The following MCC variants were observed in gnomAD, a reference collection of about 807,000 sequenced individuals.
MCC encodes the protein colorectal mutant cancer protein.
In MCC, 90 loss-of-function variants were observed where a neutral mutation model predicts 116.2. The observed-to-expected ratio is 0.77, with a 90% confidence interval of 0.65 to 0.92. The LOEUF (loss-of-function observed/expected upper bound fraction) is 0.92. Among genes scored for constraint, MCC ranks in the 40% least tolerant of loss-of-function variants. The probability of loss-of-function intolerance (pLI) is 0.00; values close to 1 mark genes in which losing one functional copy is unlikely to be tolerated. For missense variants in MCC, 1,516 were observed against 1,312.2 expected (o/e 1.16, Z -2.40); for synonymous variants, 578 against 510.5 (o/e 1.13, Z -1.78).
intron 16 of MCC, chr5:113,044,406 G>A: frequency 2.7e-6 from 2 of 751,908 alleles, no homozygotes; most frequent in Non-Finnish European, 3.2e-6. Context: ...CCATGCCTGA[G>A]TGCTCTACAT....
At chr5:113,136,035 ACT>A (rs1758802565) in intron 5 of MCC, among the ~76,000 whole-genome samples, 1 of 152,280 alleles carries the variant, frequency 6.6e-6, no homozygotes, top group East Asian at 1.9e-4. Flanking sequence ...ACAAAGCAAC[ACT>A]CTGTCTCAAA....
At chr5:113,047,496 G>A (rs1464655380) in intron 16 of MCC, among the ~76,000 whole-genome samples, 4 of 152,200 alleles carry the variant, frequency 2.6e-5, no homozygotes, top group African/African-American at 9.6e-5. Flanking sequence ...ATGCTTCAGA[G>A]TTCTTAACTA....
chr5:113,063,868 T>C (rs924546403), intron 14 of MCC, 116 bp downstream of exon 14: 9 of 1,114,804 alleles, frequency 8.1e-6, no homozygotes, highest in Non-Finnish European at 1.1e-5. Flanking sequence ...CCAGAAGCCA[T>C]GTCTGCCTTT....
chr5:113,073,875 G>C (rs1311941400), intron 11 of MCC, among the ~76,000 whole-genome samples: 1 of 152,240 alleles, frequency 6.6e-6, no homozygotes, highest in East Asian at 1.9e-4. Flanking sequence ...AAACAAAGTG[G>C]CTGGGAAGCT....
intron 3 of MCC, among the ~76,000 whole-genome samples, chr5:113,307,787 T>C (rs534808981): frequency 9.4e-4 from 143 of 152,308 alleles, no homozygotes; most frequent in South Asian, 6.6e-3. Flanking sequence ...TGTAGGTTTT[T>C]TGTAGATTCC....
chr5:113,481,495 T>C (rs1050535792), intron 1 of MCC, among the ~76,000 whole-genome samples: 1 of 152,090 alleles, frequency 6.6e-6, no homozygotes, highest in Non-Finnish European at 1.5e-5. Context: ...TCCCAGCACT[T>C]TGAGAGGCTG....
chr5:113,451,022 G>A (rs1423610432), intron 1 of MCC, among the ~76,000 whole-genome samples: 1 of 151,798 alleles, frequency 6.6e-6, no homozygotes, highest in Non-Finnish European at 1.5e-5. Flanking sequence ...TTATTCTAAT[G>A]CATCTTTCCT....
chr5:113,402,662 C>G (rs1049387163), intron 1 of MCC, among the ~76,000 whole-genome samples: 1 of 152,064 alleles, frequency 6.6e-6, no homozygotes, highest in African/African-American at 2.4e-5. Flanking sequence ...CTGTCTTATT[C>G]TACTCACTCT....
intron 11 of MCC, among the ~76,000 whole-genome samples, chr5:113,071,757 G>A (rs1047654399): frequency 2.6e-5 from 4 of 152,158 alleles, no homozygotes; most frequent in Admixed American, 2.6e-4. Context: ...ATCTTGCCCT[G>A]GGATTTGAAC....
chr5:113,466,857 C>G (rs1771924152), intron 1 of MCC, among the ~76,000 whole-genome samples: 1 of 152,084 alleles, frequency 6.6e-6, no homozygotes, highest in Admixed American at 6.5e-5. Context: ...TGTTTCCTGA[C>G]TTTTTAATGA....
intron 3 of MCC, among the ~76,000 whole-genome samples, chr5:113,288,572 T>C (rs1766352462): frequency 6.6e-6 from 1 of 152,258 alleles, no homozygotes; most frequent in Non-Finnish European, 1.5e-5. Flanking sequence ...GCAGTGACTA[T>C]ATCCCTTTAC....
chr5:113,184,538 G>A (rs1336572791), intron 3 of MCC, among the ~76,000 whole-genome samples: 3 of 140,070 alleles, frequency 2.1e-5, no homozygotes, highest in African/African-American at 8.2e-5. Context: ...CTGAGATCAT[G>A]GCTCACTGCA....
At chr5:113,035,116 T>C (rs1056559124) in intron 17 of MCC, among the ~76,000 whole-genome samples, 2 of 152,208 alleles carry the variant, frequency 1.3e-5, no homozygotes. Flanking sequence ...AGAGGATTAC[T>C]TCCCAGATGA....
intron 3 of MCC, among the ~76,000 whole-genome samples, chr5:113,169,134 G>A (rs1299509269): frequency 7.2e-5 from 11 of 152,032 alleles, no homozygotes; most frequent in Admixed American, 7.2e-4. Context: ...CAGAAAGAAG[G>A]GACACTGATT....
At chr5:113,114,474 G>A (rs1191449592) in intron 6 of MCC, among the ~76,000 whole-genome samples, 2 of 152,196 alleles carry the variant, frequency 1.3e-5, no homozygotes, top group African/African-American at 4.8e-5. Flanking sequence ...CAAGGTCCCT[G>A]GCGAAGCCCC....
intron 12 of MCC, among the ~76,000 whole-genome samples, chr5:113,070,285 C>T (rs1032520752): frequency 5.9e-5 from 9 of 152,118 alleles, no homozygotes; most frequent in Non-Finnish European, 7.4e-5. Context: ...GGCAAATACA[C>T]TTAAGTGGTA....
At chr5:113,120,345 G>A (rs1399191415) in intron 6 of MCC, among the ~76,000 whole-genome samples, 1 of 152,170 alleles carries the variant, frequency 6.6e-6, no homozygotes, top group East Asian at 1.9e-4. Flanking sequence ...TTTAGTTGGG[G>A]GAAGTGTCTT....
chr5:113,141,997 C>T (rs1224139822), intron 5 of MCC, among the ~76,000 whole-genome samples: 1 of 152,182 alleles, frequency 6.6e-6, no homozygotes, highest in African/African-American at 2.4e-5. Context: ...TGCTCATGTA[C>T]TTCTAACCTA....
In MCC at chr5:113,274,603, C is replaced by T. The variant is rs147547375; in HGVS notation, c.627+65916G>A. Among the ~76,000 whole-genome samples the T allele has an allele frequency of 7.2e-5, 11 of 152,216 alleles. No homozygotes were observed. In the East Asian group the frequency reaches 1.5e-3, roughly 21 times the overall value. On this transcript the variant is annotated intron_variant, in intron 3 of 18. Coordinates refer to ENST00000408903, the MANE Select transcript of MCC (RefSeq NM_001085377.2). ...CTTGAACTCCTGACCTTTAGTGGTC[C>T]GACCGCCTTAGTCTCCCAAAGTGCC...
Sources: gnomAD v4.1 joint callset for allele counts (sites outside exome capture counted in the v4.1 genomes callset) on GRCh38, gnomAD v4.1.1 for gene constraint, MANE v1.5 for transcripts, NCBI Gene and HGNC (gene_info 2026-07-23, HGNC 2026-07-21) for gene names.